The following AGBL4 variants were observed in gnomAD, a reference collection of about 807,000 sequenced individuals.
AGBL4 encodes AGBL carboxypeptidase 4.
In AGBL4, 58 loss-of-function variants were observed where a neutral mutation model predicts 66.4. That is an observed-to-expected ratio of 0.87 (90% CI 0.71 to 1.09). The LOEUF (loss-of-function observed/expected upper bound fraction) is 1.09. AGBL4 is among the 50% of genes least tolerant of loss of function. The pLI is 0.00. For synonymous variants in AGBL4, 234 were observed against 222.9 expected (o/e 1.05, Z -0.44); for missense variants, 579 against 631.0 (o/e 0.92, Z 0.88).
intron 4 of AGBL4, among the ~76,000 whole-genome samples, chr1:49,192,115 A>T (rs967358520): frequency 1.4e-4 from 21 of 152,226 alleles, no homozygotes; most frequent in African/African-American, 4.8e-4. Context: ...CCTCACCAGC[A>T]TCTGTTATTT....
intron 11 of AGBL4, among the ~76,000 whole-genome samples, chr1:48,582,524 G>C (rs923471099): frequency 6.6e-6 from 1 of 152,202 alleles, no homozygotes; most frequent in Non-Finnish European, 1.5e-5. Flanking sequence ...TCAAATACTA[G>C]TTGCTAGTTC....
intron 4 of AGBL4, among the ~76,000 whole-genome samples, chr1:49,151,490 T>C (rs1374224157): frequency 6.6e-6 from 1 of 151,626 alleles, no homozygotes; most frequent in African/African-American, 2.4e-5. Flanking sequence ...TGTTGGCCCA[T>C]TACCCATCTG....
At chr1:49,086,281 T>C (rs1644905925) in intron 4 of AGBL4, among the ~76,000 whole-genome samples, 1 of 152,158 alleles carries the variant, frequency 6.6e-6, no homozygotes, top group Admixed American at 6.5e-5. Flanking sequence ...CCATTGCTAG[T>C]AGCCAGACTG....
intron 2 of AGBL4, among the ~76,000 whole-genome samples, chr1:49,742,175 C>T (rs980991318): frequency 4.0e-5 from 6 of 151,512 alleles, no homozygotes; most frequent in Admixed American, 6.6e-5. Context: ...CCAAAATCTC[C>T]TTAAGCTGAT....
intron 5 of AGBL4, among the ~76,000 whole-genome samples, chr1:49,007,796 G>A (rs1557552429): frequency 5.3e-5 from 8 of 151,892 alleles, no homozygotes; most frequent in Admixed American, 1.3e-4. Context: ...AAGTGAAGGA[G>A]AAATAAAATA....
chr1:49,759,560 A>G (rs1486339269), intron 2 of AGBL4, among the ~76,000 whole-genome samples: 2 of 152,218 alleles, frequency 1.3e-5, no homozygotes, highest in Admixed American at 6.5e-5. Flanking sequence ...ATTAAGTATC[A>G]ATATTGGTTC....
intron 3 of AGBL4, among the ~76,000 whole-genome samples, chr1:49,613,085 T>C (rs1415494805): frequency 6.6e-6 from 1 of 152,146 alleles, no homozygotes; most frequent in East Asian, 1.9e-4. Flanking sequence ...TGCAGCAACA[T>C]GGATGCAGCT....
chr1:49,734,384 C>T (rs181759211), intron 2 of AGBL4, among the ~76,000 whole-genome samples: 4 of 151,904 alleles, frequency 2.6e-5, no homozygotes, highest in Non-Finnish European at 1.5e-5. Flanking sequence ...TGATGTGATC[C>T]TATATTTGGA....
At chr1:49,487,438 T>G (rs7543649) in intron 3 of AGBL4, among the ~76,000 whole-genome samples, 64,623 of 151,692 alleles carry the variant, frequency 0.43, 16,437 homozygotes, top group Non-Finnish European at 0.57. Context: ...TGGAGGTAAT[T>G]GAATCATGGG....
At chr1:48,545,062 T>G in intron 11 of AGBL4, among the ~76,000 whole-genome samples, 1 of 152,198 alleles carries the variant, frequency 6.6e-6, no homozygotes, top group Admixed American at 6.5e-5. Flanking sequence ...ACCTAGTTGA[T>G]GAATAACATA....
intron 3 of AGBL4, among the ~76,000 whole-genome samples, chr1:49,595,319 G>C (rs1028530481): frequency 6.6e-6 from 1 of 152,010 alleles, no homozygotes; most frequent in Non-Finnish European, 1.5e-5. Context: ...TTGATCTCCT[G>C]ACCTCGTGAT....
intron 6 of AGBL4, among the ~76,000 whole-genome samples, chr1:48,705,517 G>A (rs1023657884): frequency 1.3e-5 from 2 of 152,180 alleles, no homozygotes; most frequent in Non-Finnish European, 2.9e-5. Flanking sequence ...AACATATGAG[G>A]CAGAAATATC....
At chr1:49,653,054 G>C (rs1222875163) in intron 3 of AGBL4, among the ~76,000 whole-genome samples, 3 of 152,054 alleles carry the variant, frequency 2.0e-5, no homozygotes, top group Non-Finnish European at 4.4e-5. Flanking sequence ...CCTCATGCAG[G>C]AGCATTCCAG....
chr1:49,869,300 T>C lies in AGBL4; in HGVS notation c.35-17782A>G, dbSNP rs558583783. Among the ~76,000 whole-genome samples, 13 of 152,326 alleles carry C rather than the reference T, an allele frequency of 8.5e-5. No individual in the cohort carries two copies. In the South Asian group the frequency reaches 2.5e-3, roughly 29 times the overall value. Reference sequence around the variant, plus strand: ...TTATAAAGATACACTCATGTGCATGTTCATTGCAGCACTATTCACAAGGGC... The same window carrying C: ...TTATAAAGATACACTCATGTGCATGCTCATTGCAGCACTATTCACAAGGGC... On this transcript the variant is annotated intron_variant, in intron 1 of 13. Coordinates refer to ENST00000371839, the MANE Select transcript of AGBL4 (RefSeq NM_032785.4).
chr1:49,346,021 T>G (rs1645627152), intron 3 of AGBL4, among the ~76,000 whole-genome samples: 1 of 152,238 alleles, frequency 6.6e-6, no homozygotes, highest in East Asian at 1.9e-4. Context: ...TTGATGGAAC[T>G]TCGTTCCATC....
intron 2 of AGBL4, among the ~76,000 whole-genome samples, chr1:49,811,937 C>T (rs1645111582): frequency 6.6e-6 from 1 of 152,188 alleles, no homozygotes. Flanking sequence ...ATATTTTCTT[C>T]TCCCTACGTC....
At chr1:48,804,840 A>G (rs868442340) in intron 6 of AGBL4, among the ~76,000 whole-genome samples, 1 of 152,196 alleles carries the variant, frequency 6.6e-6, no homozygotes, top group Non-Finnish European at 1.5e-5. Flanking sequence ...TGGCAAAATC[A>G]TAGGAAGCTC....
chr1:49,222,960 GC>G, intron 4 of AGBL4, among the ~76,000 whole-genome samples: 1 of 152,168 alleles, frequency 6.6e-6, no homozygotes, highest in Admixed American at 6.6e-5. Context: ...ACAGTGAGAA[GC>G]CTAAAAAAGC....
chr1:48,864,713 A>AT lies in AGBL4; in HGVS notation c.634+2477dup, dbSNP rs553513452. Among the ~76,000 whole-genome samples the AT allele has an allele frequency of 5.9e-3, 893 of 152,284 alleles. 13 individuals carry two copies. The highest frequency in any genetic ancestry group is 0.017 in the Middle Eastern group (5 of 294). On this transcript the variant is annotated intron_variant, in intron 6 of 13. Coordinates refer to ENST00000371839, the MANE Select transcript of AGBL4 (RefSeq NM_032785.4). ...GAATTTGTAAAGCAATACCAGTTAC[A>AT]TTTTTTGATACAAAGATAAGGAAAA...
Sources: allele counts gnomAD v4.1 joint callset (sites outside exome capture counted in the v4.1 genomes callset), GRCh38; gene constraint gnomAD v4.1.1; transcripts MANE v1.5; gene names NCBI Gene and HGNC (gene_info 2026-07-23, HGNC 2026-07-21).